The following TBC1D32 variants were observed in gnomAD, a reference collection of about 807,000 sequenced individuals.
TBC1D32 encodes TBC1 domain family member 32.
Under a neutral mutation model 170.3 loss-of-function variants are expected in TBC1D32, and 151 were observed. That is an observed-to-expected ratio of 0.89 (90% CI 0.78 to 1.01). The LOEUF (loss-of-function observed/expected upper bound fraction) is 1.01. Ranked by LOEUF, TBC1D32 falls within the 50% of genes least tolerant of loss-of-function variation. TBC1D32 has a pLI of 0.00. For synonymous variants in TBC1D32, 498 were observed against 488.0 expected (o/e 1.02, Z -0.27); for missense variants, 1,464 against 1,457.1 (o/e 1.00, Z -0.08).
At chr6:121,305,227 G>A (rs939201952) in intron 5 of TBC1D32, among the ~76,000 whole-genome samples, 1 of 151,784 alleles carries the variant, frequency 6.6e-6, no homozygotes, top group East Asian at 1.9e-4. Context: ...TGCTTACATG[G>A]GTAGCTTCAG....
intron 20 of TBC1D32, among the ~76,000 whole-genome samples, chr6:121,228,670 G>T (rs559211037): frequency 6.6e-6 from 1 of 152,056 alleles, no homozygotes; most frequent in South Asian, 2.1e-4. Context: ...AGCCCAACAT[G>T]GTCTATCTTT....
chr6:121,157,027 T>C (rs1302114891), intron 24 of TBC1D32, among the ~76,000 whole-genome samples: 2 of 152,158 alleles, frequency 1.3e-5, no homozygotes, highest in Non-Finnish European at 2.9e-5. Flanking sequence ...TAGGTCTACT[T>C]CACCAAGTGT....
At chr6:121,247,695 C>CAAAAAAAAAAAAAAAAAAAAAAAAAAAA (rs34914027) in intron 17 of TBC1D32, among the ~76,000 whole-genome samples, 4 of 46,570 alleles carry the variant, frequency 8.6e-5, no homozygotes, top group Non-Finnish European at 1.1e-4. Flanking sequence ...GGCTTTAAAG[C>CAAAAAAAAAAAAAAAAAAAAAAAAAAAA]AAAAAAAAAA....
At chr6:121,235,821 T>C (rs1051115318) in intron 20 of TBC1D32, among the ~76,000 whole-genome samples, 7 of 152,250 alleles carry the variant, frequency 4.6e-5, no homozygotes, top group African/African-American at 1.4e-4. Flanking sequence ...CAGTTCACGA[T>C]GTAAGTCTCC....
At chr6:121,115,394 C>T (rs937069228) in intron 26 of TBC1D32, 153 bp from the exon 27 acceptor site, 13 of 497,468 alleles carry the variant, frequency 2.6e-5, no homozygotes, top group Non-Finnish European at 4.0e-5. Flanking sequence ...CTGTCAGTTA[C>T]ATTTTCAAAG....
chr6:121,297,183 G>A (rs1203991928), intron 10 of TBC1D32, among the ~76,000 whole-genome samples: 2 of 152,026 alleles, frequency 1.3e-5, no homozygotes, highest in African/African-American at 2.4e-5. Context: ...TCTATAGTAG[G>A]TGAATTTAAA....
In TBC1D32 at chr6:121,279,234, A is replaced by G. The variant is rs746900705; in HGVS notation, c.1620T>C (p.Asn540=). ...TATGAATTAAAGCTGTCTCAGAGCA[A>G]TTTGGAGATGCCTGTACATTAAAAA... ...NLMKGNEASP[N]CSETALIHIA... is the part of the protein sequence containing the mutation. The change falls in exon 15 of 32, where the codon AAT becomes AAC. Residue 540 remains asparagine (N), a synonymous_variant. Coordinates refer to ENST00000398212, the MANE Select transcript of TBC1D32 (RefSeq NM_152730.6). 6.2e-7 allele frequency: 1 copy of G among 1,607,816 alleles called. No individual in the cohort carries two copies. Among genetic ancestry groups the G allele is most frequent in the Non-Finnish European group, 8.5e-7 (1 of 1,177,958 alleles).
At chr6:121,123,547 T>A (rs1000745616) in intron 26 of TBC1D32, among the ~76,000 whole-genome samples, 1 of 152,104 alleles carries the variant, frequency 6.6e-6, no homozygotes, top group Non-Finnish European at 1.5e-5. Context: ...GATATAAGTA[T>A]AGTTACTCCT....
chr6:121,126,725 C>A (rs1011655169), intron 25 of TBC1D32, among the ~76,000 whole-genome samples: 2 of 151,612 alleles, frequency 1.3e-5, no homozygotes, highest in African/African-American at 4.8e-5. Flanking sequence ...AGAATTATTT[C>A]AGAATTTGCT....
chr6:121,313,121 T>C (rs1336829657), intron 3 of TBC1D32, among the ~76,000 whole-genome samples: 20 of 63,628 alleles, frequency 3.1e-4, no homozygotes, highest in Non-Finnish European at 6.4e-5. Flanking sequence ...TGTGTGTGTG[T>C]GTGTGTGTGT....
At chr6:121,299,812 T>C (rs919787726) in intron 9 of TBC1D32, among the ~76,000 whole-genome samples, 9 of 152,136 alleles carry the variant, frequency 5.9e-5, no homozygotes, top group African/African-American at 2.2e-4. Context: ...AGTATACCTA[T>C]GACAGAATCC....
intron 21 of TBC1D32, among the ~76,000 whole-genome samples, chr6:121,219,504 C>T (rs1794247034): frequency 6.6e-6 from 1 of 152,024 alleles, no homozygotes; most frequent in Admixed American, 6.6e-5. Flanking sequence ...TGGACTATAT[C>T]ATAAAACTAA....
At chr6:121,135,884 C>A (rs1285329499) in intron 24 of TBC1D32, among the ~76,000 whole-genome samples, 1 of 152,044 alleles carries the variant, frequency 6.6e-6, no homozygotes, top group Non-Finnish European at 1.5e-5. Context: ...ATTATACATC[C>A]ACCCTAACAA....
intron 24 of TBC1D32, among the ~76,000 whole-genome samples, chr6:121,157,053 A>T (rs750040631): frequency 3.3e-5 from 5 of 152,066 alleles, no homozygotes; most frequent in Non-Finnish European, 5.9e-5. Context: ...TTAATTCCAC[A>T]ATATCTTTGT....
chr6:121,102,106 A>T (rs950480349), intron 30 of TBC1D32, among the ~76,000 whole-genome samples: 3 of 152,180 alleles, frequency 2.0e-5, no homozygotes, highest in Non-Finnish European at 2.9e-5. Flanking sequence ...AACAAATGAA[A>T]GAACATTCCA....
chr6:121,184,513 G>A (rs1005533534), intron 22 of TBC1D32, among the ~76,000 whole-genome samples: 2 of 151,228 alleles, frequency 1.3e-5, no homozygotes, highest in African/African-American at 4.9e-5. Flanking sequence ...TCTAATATTT[G>A]GGTGTACTGC....
At chr6:121,291,862 C>A (rs1395519976) in intron 12 of TBC1D32, among the ~76,000 whole-genome samples, 191 bp downstream of exon 12, 1 of 151,544 alleles carries the variant, frequency 6.6e-6, no homozygotes, top group African/African-American at 2.4e-5. Context: ...AAAAAAAATA[C>A]ATGTAGAAAG....
intron 1 of TBC1D32, among the ~76,000 whole-genome samples, chr6:121,330,654 C>T (rs965799960): frequency 6.6e-6 from 1 of 152,174 alleles, no homozygotes; most frequent in African/African-American, 2.4e-5. Flanking sequence ...GAAAGCTTTG[C>T]TTTAAAACCT....
At chr6:121,213,262 C>A (rs1793317128) in intron 21 of TBC1D32, among the ~76,000 whole-genome samples, 1 of 151,974 alleles carries the variant, frequency 6.6e-6, no homozygotes, top group Non-Finnish European at 1.5e-5. Context: ...GCCAAACTAT[C>A]CCTGTTTGCA....
Sources: gnomAD v4.1 joint callset for allele counts (sites outside exome capture counted in the v4.1 genomes callset) on GRCh38, gnomAD v4.1.1 for gene constraint, MANE v1.5 for transcripts, NCBI Gene and HGNC (gene_info 2026-07-23, HGNC 2026-07-21) for gene names.